Variants in CTNNA2 observed in about 807,000 individuals in gnomAD.
The protein encoded by CTNNA2 is catenin alpha 2.
In CTNNA2, 42 loss-of-function variants were observed where a neutral mutation model predicts 101.0. That is an observed-to-expected ratio of 0.42 (90% CI 0.32 to 0.54). The LOEUF is 0.54. Among genes scored for constraint, CTNNA2 ranks in the 20% least tolerant of loss-of-function variants. The pLI is 0.14. For missense variants in CTNNA2, 871 were observed against 1,223.1 expected (o/e 0.71, Z 4.29); for synonymous variants, 450 against 456.4 (o/e 0.99, Z 0.18).
At chr2:79,849,809 G>A (rs1680525343) in intron 3 of CTNNA2, among the ~76,000 whole-genome samples, 1 of 152,174 alleles carries the variant, frequency 6.6e-6, no homozygotes, top group Admixed American at 6.5e-5. Flanking sequence ...TTATTGTAGA[G>A]TGTATAGCAT....
chr2:80,306,504 C>T (rs1677034889), intron 7 of CTNNA2, among the ~76,000 whole-genome samples: 1 of 151,046 alleles, frequency 6.6e-6, no homozygotes, highest in Non-Finnish European at 1.5e-5. Flanking sequence ...GATTGCCTCT[C>T]TGTCACTCTT....
chr2:79,827,169 G>C (rs1387943745), intron 3 of CTNNA2, among the ~76,000 whole-genome samples: 1 of 151,924 alleles, frequency 6.6e-6, no homozygotes, highest in Non-Finnish European at 1.5e-5. Flanking sequence ...CTCCCGAGTA[G>C]CTAGGATTAC....
intron 9 of CTNNA2, among the ~76,000 whole-genome samples, chr2:80,519,358 C>T (rs1026674757): frequency 1.4e-4 from 21 of 152,246 alleles, no homozygotes; most frequent in African/African-American, 4.6e-4. Flanking sequence ...GTGACAAGAT[C>T]ATTGGACTGG....
chr2:80,043,013 C>A (rs992753701), intron 7 of CTNNA2, among the ~76,000 whole-genome samples: 1 of 148,714 alleles, frequency 6.7e-6, no homozygotes, highest in South Asian at 2.1e-4. Flanking sequence ...TCCTTCCTTT[C>A]TTTCCCTTTC....
rs143584147 is a variant in CTNNA2 at position 79,279,308 on chromosome 2, A to G, written c.-405-33401A>G. Among the ~76,000 whole-genome samples the G allele has an allele frequency of 7.3e-3, 1,110 of 152,172 alleles. 7 individuals are homozygous for G. The highest frequency in any genetic ancestry group is 0.011 in the Non-Finnish European group (744 of 67,972). ...TTCAGAAGGCAGGAGTGGATGGTATAACAATTTGTTGCCCAGTGGGATTGG... is the reference window on the plus strand; with the variant it reads ...TTCAGAAGGCAGGAGTGGATGGTATGACAATTTGTTGCCCAGTGGGATTGG... On this transcript the variant is annotated intron_variant, in intron 2 of 21. Coordinates refer to the CTNNA2 transcript ENST00000466387.
intron 12 of CTNNA2, among the ~76,000 whole-genome samples, chr2:80,571,355 G>T: frequency 6.6e-6 from 1 of 152,090 alleles, no homozygotes; most frequent in East Asian, 1.9e-4. Context: ...TGGGCCATGT[G>T]ATAGAACTTT....
intron 7 of CTNNA2, among the ~76,000 whole-genome samples, chr2:80,177,754 T>A (rs142778517): frequency 1.3e-5 from 2 of 152,236 alleles, no homozygotes; most frequent in African/African-American, 4.8e-5. Context: ...GGTCCATCTA[T>A]ATACCTCTTC....
At chr2:80,121,893 A>G (rs1055209034) in intron 7 of CTNNA2, among the ~76,000 whole-genome samples, 3 of 152,156 alleles carry the variant, frequency 2.0e-5, no homozygotes, top group African/African-American at 7.2e-5. Context: ...AAGATCAGAC[A>G]TGCCCCTTGG....
intron 1 of CTNNA2, among the ~76,000 whole-genome samples, chr2:79,533,162 A>G (rs1672847129): frequency 6.6e-6 from 1 of 151,844 alleles, no homozygotes; most frequent in Non-Finnish European, 1.5e-5. Context: ...CCTAACTGCT[A>G]TATCCCTTTA....
chr2:79,278,148 G>A (rs9973463), intron 2 of CTNNA2, among the ~76,000 whole-genome samples: 89,373 of 151,938 alleles, frequency 0.59, 26,582 homozygotes, highest in African/African-American at 0.63. Context: ...TTCACTGTAT[G>A]GCCCTGGCTG....
intron 2 of CTNNA2, among the ~76,000 whole-genome samples, chr2:79,263,650 C>T (rs907054602): frequency 1.1e-4 from 17 of 152,134 alleles, no homozygotes; most frequent in South Asian, 2.1e-4. Context: ...TATTGAGAGG[C>T]AGGACCTTTA....
chr2:79,629,331 T>C (rs1047520646), intron 1 of CTNNA2, among the ~76,000 whole-genome samples: 2 of 152,182 alleles, frequency 1.3e-5, no homozygotes, highest in Non-Finnish European at 2.9e-5. Flanking sequence ...GAATAAAGAG[T>C]ATCTGTTTCC....
At chr2:80,186,758 G>A (rs1371993216) in intron 7 of CTNNA2, among the ~76,000 whole-genome samples, 1 of 152,064 alleles carries the variant, frequency 6.6e-6, no homozygotes, top group East Asian at 1.9e-4. Context: ...TTTTTATTGT[G>A]TCTACATCTA....
chr2:80,603,188 A>C (rs1184225722), intron 15 of CTNNA2, among the ~76,000 whole-genome samples: 1 of 152,140 alleles, frequency 6.6e-6, no homozygotes, highest in Non-Finnish European at 1.5e-5. Flanking sequence ...TAAAAATGAT[A>C]AACATAATTT....
intron 2 of CTNNA2, among the ~76,000 whole-genome samples, chr2:79,198,976 T>C (rs572318618): frequency 9.2e-5 from 14 of 152,176 alleles, no homozygotes; most frequent in Non-Finnish European, 1.9e-4. Flanking sequence ...TTCATTAACA[T>C]TGCAATGAGT....
intron 1 of CTNNA2, among the ~76,000 whole-genome samples, chr2:79,570,932 T>G: frequency 6.6e-6 from 1 of 152,186 alleles, no homozygotes; most frequent in Middle Eastern, 3.2e-3. Flanking sequence ...ATTGTTTACA[T>G]TCATATGCCA....
chr2:79,439,795 A>G (rs1212024327), intron 4 of CTNNA2, among the ~76,000 whole-genome samples: 1 of 152,120 alleles, frequency 6.6e-6, no homozygotes, highest in Admixed American at 6.6e-5. Flanking sequence ...ACTGCACCCC[A>G]GACCTACTAA....
chr2:80,249,754 C>T (rs964010581), intron 7 of CTNNA2, among the ~76,000 whole-genome samples: 2 of 152,088 alleles, frequency 1.3e-5, no homozygotes, highest in Non-Finnish European at 2.9e-5. Context: ...TTGTTGTGAT[C>T]CATATGCGTG....
chr2:79,707,326 G>A (rs1270967904), intron 2 of CTNNA2, among the ~76,000 whole-genome samples: 1 of 152,140 alleles, frequency 6.6e-6, no homozygotes, highest in African/African-American at 2.4e-5. Flanking sequence ...TTGTATATGG[G>A]TAATATACAC....
Sources: allele counts gnomAD v4.1 joint callset (sites outside exome capture counted in the v4.1 genomes callset), GRCh38; gene constraint gnomAD v4.1.1; transcripts MANE v1.5; gene names NCBI Gene and HGNC (gene_info 2026-07-23, HGNC 2026-07-21).